Variants in PRKCB observed in about 807,000 individuals in gnomAD.
PRKCB encodes the protein protein kinase C beta type.
PRKCB carries 13 observed loss-of-function variants against 81.5 expected under a neutral mutation model. That is an observed-to-expected ratio of 0.16 (90% CI 0.10 to 0.25). The LOEUF is 0.25. Among genes scored for constraint, PRKCB ranks in the 10% least tolerant of loss-of-function variants. PRKCB has a pLI of 1.00. For synonymous variants in PRKCB, 335 were observed against 321.4 expected (o/e 1.04, Z -0.45); for missense variants, 509 against 875.7 (o/e 0.58, Z 5.29).
chr16:24,012,436 G>A (rs915547847), intron 3 of PRKCB, among the ~76,000 whole-genome samples: 3 of 152,172 alleles, frequency 2.0e-5, no homozygotes, highest in Non-Finnish European at 4.4e-5. Context: ...CATCCTCACT[G>A]AGAGGACCCT....
Position 24,035,593 on chromosome 16 carries a change from G to C in PRKCB, c.529+46G>C, listed in dbSNP as rs765914406. The C allele has an allele frequency of 3.3e-6, 5 of 1,498,526 alleles. No individual in the cohort carries two copies. The South Asian group carries it at 5.8e-5, about 18-fold the overall frequency. The allele number at this position is 1,498,526 out of a possible 1,614,324, so 92.8% of individuals were successfully genotyped here. A position where few individuals can be genotyped will look rare whatever the true frequency, so the allele number is the denominator to read the frequency against. The stretch of plus-strand genomic sequence containing the variant: ...ACTGGCTCCTGACCTTGCTTGACCT[G>C]TGTGATTGAGAAGGGGAGGGTGGCG... On this transcript the variant is annotated intron_variant, in intron 5 of 16. Transcript: ENST00000643927.
chr16:23,913,565 C>T (rs1404707922), intron 2 of PRKCB, among the ~76,000 whole-genome samples: 2 of 152,102 alleles, frequency 1.3e-5, no homozygotes, highest in Non-Finnish European at 2.9e-5. Context: ...TTTCTGAGTG[C>T]GGGAGGAGAA....
At chr16:24,179,115 G>C (rs1052451428) in intron 12 of PRKCB, among the ~76,000 whole-genome samples, 6 of 152,152 alleles carry the variant, frequency 3.9e-5, no homozygotes, top group African/African-American at 1.4e-4. Context: ...TCCCTTTCCT[G>C]ATTATGCCAG....
At chr16:24,153,537 C>T (rs8044927) in intron 9 of PRKCB, among the ~76,000 whole-genome samples, 3,939 of 152,288 alleles carry the variant, frequency 0.026, 178 homozygotes, top group African/African-American at 0.088. Flanking sequence ...TAGGACTCTT[C>T]GTAATGGGGT....
intron 10 of PRKCB, among the ~76,000 whole-genome samples, chr16:24,159,713 G>T (rs1347048962): frequency 2.0e-5 from 3 of 152,224 alleles, no homozygotes; most frequent in African/African-American, 7.2e-5. Flanking sequence ...TCACTTTACA[G>T]CCAGGCACAG....
chr16:24,088,714 C>CAAA (rs56883594), intron 5 of PRKCB, among the ~76,000 whole-genome samples: 9 of 113,644 alleles, frequency 7.9e-5, no homozygotes, highest in African/African-American at 1.9e-4. Context: ...GACCCTGTGT[C>CAAA]AAAAAAAAAA....
chr16:24,056,319 G>A (rs1357543506), intron 5 of PRKCB, among the ~76,000 whole-genome samples: 2 of 152,162 alleles, frequency 1.3e-5, no homozygotes, highest in African/African-American at 2.4e-5. Flanking sequence ...GCAGCTTATG[G>A]GGACTTGTGG....
intron 10 of PRKCB, among the ~76,000 whole-genome samples, chr16:24,155,632 C>G (rs539511361): frequency 6.6e-6 from 1 of 152,300 alleles, no homozygotes; most frequent in Non-Finnish European, 1.5e-5. Context: ...AATTTTGACT[C>G]TATCCAGTTC....
chr16:24,092,375 G>T (rs1289027919), intron 5 of PRKCB, among the ~76,000 whole-genome samples: 1 of 152,206 alleles, frequency 6.6e-6, no homozygotes, highest in African/African-American at 2.4e-5. Flanking sequence ...ACTGCTGAAT[G>T]GATAAACAAA....
chr16:23,982,125 TTCCCTTCCC>T (rs1165459734), intron 2 of PRKCB, among the ~76,000 whole-genome samples: 47 of 44,878 alleles, frequency 1.0e-3, no homozygotes, highest in East Asian at 2.1e-3. Context: ...TCCCTTCCCC[TTCCCTTCCC>T]TTTCCCTTCC....
At chr16:24,085,115 G>A (rs1966296279) in intron 5 of PRKCB, among the ~76,000 whole-genome samples, 1 of 142,144 alleles carries the variant, frequency 7.0e-6, no homozygotes. Context: ...CAGGGGAAAG[G>A]AAACAGTTGA....
At chr16:23,886,026 C>T (rs11641627) in intron 2 of PRKCB, among the ~76,000 whole-genome samples, 22,877 of 152,170 alleles carry the variant, frequency 0.15, 1,851 homozygotes, top group Middle Eastern at 0.23. Flanking sequence ...TTTATTTTCT[C>T]TTTGAATCCT....
At chr16:24,034,297 A>G (rs114722987) in intron 4 of PRKCB, among the ~76,000 whole-genome samples, 4,215 of 152,186 alleles carry the variant, frequency 0.028, 182 homozygotes, top group African/African-American at 0.096. Context: ...GCCTCCTGGG[A>G]CTTGGGTGGT....
At chr16:24,109,003 C>T (rs1315827764) in intron 7 of PRKCB, among the ~76,000 whole-genome samples, 38 of 139,314 alleles carry the variant, frequency 2.7e-4, no homozygotes, top group African/African-American at 9.0e-4. Flanking sequence ...ACCTCCCTCC[C>T]GGACGGGGCG....
chr16:24,127,143 A>G (rs1320865791), intron 9 of PRKCB, among the ~76,000 whole-genome samples: 2 of 151,392 alleles, frequency 1.3e-5, no homozygotes, highest in Admixed American at 6.6e-5. Flanking sequence ...AGTGGCTGGC[A>G]TTACAGGCAC....
At chr16:23,945,686 G>T (rs1460922877) in intron 2 of PRKCB, among the ~76,000 whole-genome samples, 1 of 151,798 alleles carries the variant, frequency 6.6e-6, no homozygotes, top group Non-Finnish European at 1.5e-5. Context: ...AATCAGCAAT[G>T]GTGTGCTGAT....
chr16:24,029,219 A>G (rs1965521000), intron 3 of PRKCB, among the ~76,000 whole-genome samples: 1 of 152,178 alleles, frequency 6.6e-6, no homozygotes, highest in Admixed American at 6.5e-5. Flanking sequence ...TCTGGTAGGT[A>G]TGTGATATGG....
At chr16:24,093,192 G>A (rs781505280) in intron 6 of PRKCB, among the ~76,000 whole-genome samples, 5 of 152,194 alleles carry the variant, frequency 3.3e-5, no homozygotes, top group Non-Finnish European at 4.4e-5. Context: ...TGTGGTGTGG[G>A]GGAGTGGGTA....
At chr16:23,975,517 T>C (rs1399354676) in intron 2 of PRKCB, among the ~76,000 whole-genome samples, 1 of 152,148 alleles carries the variant, frequency 6.6e-6, no homozygotes, top group Non-Finnish European at 1.5e-5. Flanking sequence ...CAGACACTCA[T>C]GGGCACAGTA....
Sources: gnomAD v4.1 joint callset for allele counts (sites outside exome capture counted in the v4.1 genomes callset) on GRCh38, gnomAD v4.1.1 for gene constraint, MANE v1.5 for transcripts, NCBI Gene and HGNC (gene_info 2026-07-23, HGNC 2026-07-21) for gene names.